RELN: variants seen among roughly 807,000 people sequenced by gnomAD.
RELN encodes reelin.
Under a neutral mutation model 427.6 loss-of-function variants are expected in RELN, and 108 were observed. The ratio of observed to expected loss-of-function variants is 0.25; its 90% CI spans 0.22 to 0.30. RELN has a LOEUF of 0.30. Ranked by LOEUF, RELN falls within the 10% of genes least tolerant of loss-of-function variation. RELN has a pLI of 1.00. For missense variants in RELN, 3,715 were observed against 4,302.8 expected (o/e 0.86, Z 3.82); for synonymous variants, 1,524 against 1,513.4 (o/e 1.01, Z -0.16).
chr7:103,652,889 G>A, intron 13 of RELN, 130 bp from the exon 14 acceptor site: 1 of 781,458 alleles, frequency 1.3e-6, no homozygotes. Context: ...CACGTCCTTT[G>A]TGTTGCATTT....
chr7:103,836,139 G>A lies in RELN; in HGVS notation c.338-2467C>T, dbSNP rs531640194. ...CACCACAGCCAGCTAATTTTTTTTTGTATTTTTAGTAGAGATGGGGTTTCA... is the reference window on the plus strand; with the variant it reads ...CACCACAGCCAGCTAATTTTTTTTTATATTTTTAGTAGAGATGGGGTTTCA... On this transcript the variant is annotated intron_variant, in intron 2 of 64. Transcript: ENST00000428762. Among the ~76,000 whole-genome samples the A allele has an allele frequency of 5.3e-5, 8 of 151,416 alleles. No homozygotes were observed. The East Asian group carries it at 1.6e-3, about 29-fold the overall frequency.
intron 8 of RELN, among the ~76,000 whole-genome samples, chr7:103,713,076 G>T (rs1270988342): frequency 6.6e-6 from 1 of 151,824 alleles, no homozygotes; most frequent in Non-Finnish European, 1.5e-5. Context: ...CAGAAGGAGA[G>T]AATTGATCTC....
intron 6 of RELN, among the ~76,000 whole-genome samples, chr7:103,745,287 T>G (rs890719889): frequency 2.0e-5 from 3 of 152,144 alleles, no homozygotes; most frequent in Admixed American, 2.0e-4. Flanking sequence ...GAGCTATCTA[T>G]GACAAACCCA....
intron 1 of RELN, among the ~76,000 whole-genome samples, chr7:103,984,124 T>C (rs1389817711): frequency 6.6e-6 from 1 of 151,296 alleles, no homozygotes; most frequent in African/African-American, 2.4e-5. Flanking sequence ...TTCTAGTTTA[T>C]TCTATAAAGT....
At chr7:103,944,791 T>C (rs545372184) in intron 1 of RELN, among the ~76,000 whole-genome samples, 1 of 152,152 alleles carries the variant, frequency 6.6e-6, no homozygotes, top group East Asian at 1.9e-4. Context: ...GGGATGTAAG[T>C]AAAGAAACCA....
intron 27 of RELN, among the ~76,000 whole-genome samples, chr7:103,591,199 A>G (rs556899744): frequency 7.9e-5 from 12 of 152,302 alleles, no homozygotes; most frequent in African/African-American, 2.6e-4. Context: ...TTTACATCTT[A>G]TTTCATTTGT....
chr7:103,654,203 C>A lies in RELN; in HGVS notation c.1444G>T (p.Gly482Ter). Reference sequence around the variant, plus strand: ...TGAGAATTTCCAGGGTCACAAATTCCTCCTGCACAAAACAAAAATTTTAAG... The same window carrying A: ...TGAGAATTTCCAGGGTCACAAATTCATCCTGCACAAAACAAAAATTTTAAG... ...GNLRFYFVMG[G>*]ICDPGNSHEN... Residue 482 changes from glycine (G) to a stop codon, truncating the protein, a stop_gained and splice_region_variant, in exon 13 of 65, where the codon GGA (glycine) becomes TGA (stop). Transcript: ENST00000428762. LOFTEE classifies it high-confidence loss of function. The A allele has an allele frequency of 6.2e-7, 1 of 1,601,326 alleles. No individual in the cohort carries two copies. The highest frequency in any genetic ancestry group is 8.6e-7 in the Non-Finnish European group (1 of 1,168,984).
chr7:103,934,156 A>G (rs897292243), intron 1 of RELN, among the ~76,000 whole-genome samples: 34 of 152,196 alleles, frequency 2.2e-4, no homozygotes, highest in African/African-American at 6.5e-4. Flanking sequence ...CCAAATCTCA[A>G]TAAGATCTAG....
rs985905652 is a variant in RELN, at chr7:103,490,976, T to C, written c.9444-147A>G. On this transcript the variant is annotated intron_variant, in intron 58 of 64. Coordinates refer to ENST00000428762, the MANE Select transcript of RELN (RefSeq NM_005045.4). Reference sequence around the variant, plus strand: ...TATAAACATTTATAATTACAGATTATAAAAAAATTAAAATATTTTCTCTTA... The same window carrying C: ...TATAAACATTTATAATTACAGATTACAAAAAAATTAAAATATTTTCTCTTA... 12 of 721,826 alleles carry C rather than the reference T, an allele frequency of 1.7e-5. No individual in the cohort carries two copies. In the African/African-American group the frequency reaches 2.1e-4, roughly 13 times the overall value. 44.7% of individuals were successfully genotyped at this position (721,826 alleles called of 1,614,324 possible). A position where few individuals can be genotyped will look rare whatever the true frequency, so the allele number is the denominator to read the frequency against.
At chr7:103,681,795 A>C (rs1325310396) in intron 11 of RELN, among the ~76,000 whole-genome samples, 1 of 152,222 alleles carries the variant, frequency 6.6e-6, no homozygotes, top group Non-Finnish European at 1.5e-5. Flanking sequence ...TCAATATAAT[A>C]GTAATGGAAA....
intron 28 of RELN, among the ~76,000 whole-genome samples, chr7:103,587,910 A>G (rs574074047): frequency 6.6e-6 from 1 of 152,308 alleles, no homozygotes; most frequent in Admixed American, 6.5e-5. Flanking sequence ...GGATATGAAG[A>G]AAAGGGAACT....
At chr7:103,965,776 G>T (rs749796802) in intron 1 of RELN, among the ~76,000 whole-genome samples, 1 of 152,116 alleles carries the variant, frequency 6.6e-6, no homozygotes, top group Non-Finnish European at 1.5e-5. Context: ...TAGAGTAGTT[G>T]TGTGAACAGT....
chr7:103,734,070 G>T (rs1311510513), intron 6 of RELN, among the ~76,000 whole-genome samples: 3 of 151,982 alleles, frequency 2.0e-5, no homozygotes, highest in African/African-American at 7.3e-5. Context: ...TTTTCTTTAG[G>T]CTCAGTGCAA....
chr7:103,633,387 G>C (rs1450383883), intron 19 of RELN, among the ~76,000 whole-genome samples: 3 of 151,806 alleles, frequency 2.0e-5, no homozygotes, highest in Non-Finnish European at 4.4e-5. Flanking sequence ...TATCTAGAAT[G>C]TATCAACTTC....
At chr7:103,638,147 G>A (rs1264331249) in intron 17 of RELN, among the ~76,000 whole-genome samples, 2 of 152,148 alleles carry the variant, frequency 1.3e-5, no homozygotes, top group African/African-American at 4.8e-5. Context: ...GTGATTTCGG[G>A]TATGACACGA....
chr7:103,913,485 A>G (rs1317225743), intron 2 of RELN, among the ~76,000 whole-genome samples: 1 of 152,174 alleles, frequency 6.6e-6, no homozygotes, highest in African/African-American at 2.4e-5. Flanking sequence ...TGTATTCAAT[A>G]ACTCTTTTGT....
chr7:103,931,551 G>T (rs943469275), intron 1 of RELN, among the ~76,000 whole-genome samples: 6 of 152,098 alleles, frequency 3.9e-5, no homozygotes, highest in Non-Finnish European at 7.3e-5. Context: ...GTCCCTAAAA[G>T]GTTATTAGCA....
At chr7:103,597,635 C>T (rs1199103900) in intron 24 of RELN, among the ~76,000 whole-genome samples, 4 of 152,042 alleles carry the variant, frequency 2.6e-5, no homozygotes, top group African/African-American at 7.2e-5. Flanking sequence ...TGAATCGAAT[C>T]TCTCAGGATC....
At chr7:103,832,534 C>A (rs149436322) in intron 3 of RELN, among the ~76,000 whole-genome samples, 1 of 152,100 alleles carries the variant, frequency 6.6e-6, no homozygotes, top group Non-Finnish European at 1.5e-5. Flanking sequence ...AAGGATATCA[C>A]GCATTCGAAG....
Sources: gnomAD v4.1 joint callset for allele counts (sites outside exome capture counted in the v4.1 genomes callset) on GRCh38, gnomAD v4.1.1 for gene constraint, MANE v1.5 for transcripts, NCBI Gene and HGNC (gene_info 2026-07-23, HGNC 2026-07-21) for gene names.